Variants in ARHGAP44 observed in about 807,000 individuals in gnomAD.
ARHGAP44 encodes the protein rho GTPase-activating protein 44.
In ARHGAP44, 43 loss-of-function variants were observed where a neutral mutation model predicts 106.8. That is an observed-to-expected ratio of 0.40 (90% confidence interval 0.32 to 0.52). The LOEUF (loss-of-function observed/expected upper bound fraction) is 0.52, where lower values mean the gene tolerates loss of function less well. Ranked by LOEUF, ARHGAP44 falls within the 20% of genes least tolerant of loss-of-function variation. The pLI is 0.48. For missense variants in ARHGAP44, 866 were observed against 1,050.5 expected (o/e 0.82, Z 2.43); for synonymous variants, 439 against 410.3 (o/e 1.07, Z -0.85).
rs200153338 is a variant in ARHGAP44 at position 12,944,218 on chromosome 17, C to T, written c.861+22C>T. 105 of 1,577,954 alleles carry T rather than the reference C, an allele frequency of 6.7e-5. No individual in the cohort carries two copies. The Admixed American group carries it at 9.1e-4, about 14-fold the overall frequency. ...GGAGGTAGGTCTGAGCACAGCCACA[C>T]GCCGCCCCGGGCAGGTCTCCTCTTC... On this transcript the variant is annotated intron_variant, in intron 10 of 20. Transcript: ENST00000379672.
intron 20 of ARHGAP44, chr17:12,987,095 T>C (rs1170368914): frequency 1.3e-6 from 2 of 1,534,726 alleles, no homozygotes; most frequent in East Asian, 4.9e-5. Context: ...CATTGTGTTC[T>C]TGCAGCTGTG....
intron 6 of ARHGAP44, 72 bp downstream of exon 6, chr17:12,919,903 A>T: frequency 7.7e-7 from 1 of 1,302,786 alleles, no homozygotes; most frequent in South Asian, 1.4e-5. Context: ...GTGGGTTTTA[A>T]GTAGGCAATT....
chr17:12,853,994 T>C (rs1209286591), intron 1 of ARHGAP44, among the ~76,000 whole-genome samples: 1 of 152,168 alleles, frequency 6.6e-6, no homozygotes, highest in East Asian at 1.9e-4. Flanking sequence ...TCCTGTTGAT[T>C]CCTTCTCAGC....
At chr17:12,925,493 A>G (rs543571734) in intron 6 of ARHGAP44, among the ~76,000 whole-genome samples, 14 of 152,290 alleles carry the variant, frequency 9.2e-5, no homozygotes, top group South Asian at 4.1e-4. Context: ...CTGCCTTTTA[A>G]AATTCTTCTT....
chr17:12,956,806 T>G, intron 15 of ARHGAP44, 60 bp downstream of exon 15: 1 of 1,504,100 alleles, frequency 6.6e-7, no homozygotes, highest in Non-Finnish European at 9.2e-7. Flanking sequence ...TCACTGCGAG[T>G]TCTGAGCCTT....
At chr17:12,983,939 G>C (rs1054350131) in intron 19 of ARHGAP44, among the ~76,000 whole-genome samples, 2 of 152,230 alleles carry the variant, frequency 1.3e-5, no homozygotes, top group Non-Finnish European at 2.9e-5. Context: ...CAGGGATGCA[G>C]GATTGAGGCA....
intron 3 of ARHGAP44, among the ~76,000 whole-genome samples, chr17:12,902,633 T>C (rs943498905): frequency 6.6e-6 from 1 of 152,206 alleles, no homozygotes; most frequent in Non-Finnish European, 1.5e-5. Context: ...AGAACTTGCC[T>C]ACCACACTAG....
rs144387047 is a variant in ARHGAP44, at chr17:12,962,884, A to G, written c.1523+3987A>G. Among the ~76,000 whole-genome samples, 532 of 152,186 alleles carry G rather than the reference A, an allele frequency of 3.5e-3. 4 individuals are homozygous for G. Among genetic ancestry groups the G allele is most frequent in the African/African-American group, 0.012 (503 of 41,522 alleles). ...AACATGGAGAAACCCTGTCTCTACTAAAAATACAAAATTGGCCAGGCATCG... is the reference window on the plus strand; with the variant it reads ...AACATGGAGAAACCCTGTCTCTACTGAAAATACAAAATTGGCCAGGCATCG... On this transcript the variant is annotated intron_variant, in intron 16 of 20. Coordinates refer to ENST00000379672, the MANE Select transcript of ARHGAP44 (RefSeq NM_014859.6).
intron 1 of ARHGAP44, among the ~76,000 whole-genome samples, chr17:12,860,971 C>G: frequency 6.6e-6 from 1 of 151,604 alleles, no homozygotes; most frequent in Non-Finnish European, 1.5e-5. Context: ...ATTCTTGTGC[C>G]TCAGCCTCCT....
At chr17:12,893,652 GAA>G (rs575424844) in intron 1 of ARHGAP44, among the ~76,000 whole-genome samples, 4 of 152,286 alleles carry the variant, frequency 2.6e-5, no homozygotes, top group African/African-American at 7.2e-5. Context: ...GGTAGGAGTA[GAA>G]GTCAGGGCTC....
intron 1 of ARHGAP44, among the ~76,000 whole-genome samples, chr17:12,847,986 T>C (rs2035621685): frequency 6.6e-6 from 1 of 152,232 alleles, no homozygotes; most frequent in South Asian, 2.1e-4. Context: ...AGCCTTGTTA[T>C]TATTAGTGTG....
chr17:12,959,373 A>T (rs1162273476), intron 16 of ARHGAP44, among the ~76,000 whole-genome samples: 1 of 152,174 alleles, frequency 6.6e-6, no homozygotes, highest in East Asian at 1.9e-4. Flanking sequence ...CCTGAGCGTA[A>T]AATCCTTCTA....
In ARHGAP44 at chr17:12,969,011, C is replaced by T. The variant is rs146301086; in HGVS notation, c.1524-4291C>T. ...GTCTCGATCTCCTGACTTCATGATC[C>T]GCCCACCTTGGCTTCCCAAAGTGTT... On this transcript the variant is annotated intron_variant, in intron 16 of 20. Transcript: ENST00000379672. Among the ~76,000 whole-genome samples the T allele has an allele frequency of 3.6e-3, 554 of 152,186 alleles. 2 individuals carry two copies. Among genetic ancestry groups the T allele is most frequent in the African/African-American group, 0.013 (535 of 41,524 alleles).
chr17:12,828,435 A>C (rs1369310412), intron 1 of ARHGAP44, among the ~76,000 whole-genome samples: 1 of 152,132 alleles, frequency 6.6e-6, no homozygotes, highest in African/African-American at 2.4e-5. Flanking sequence ...GTTGAATTAT[A>C]GCAAATGCTC....
intron 5 of ARHGAP44, among the ~76,000 whole-genome samples, chr17:12,916,390 T>C (rs747823738): frequency 6.6e-5 from 10 of 152,088 alleles, no homozygotes; most frequent in Admixed American, 1.3e-4. Context: ...TGCAGTTTTA[T>C]GTTTTTTTTT....
At chr17:12,937,082 G>T (rs2038570108) in intron 7 of ARHGAP44, among the ~76,000 whole-genome samples, 1 of 152,138 alleles carries the variant, frequency 6.6e-6, no homozygotes, top group Non-Finnish European at 1.5e-5. Context: ...TGTGCCTTAG[G>T]GCTGTGAATT....
intron 1 of ARHGAP44, among the ~76,000 whole-genome samples, chr17:12,848,317 C>T (rs529887570): frequency 9.3e-4 from 142 of 152,210 alleles, no homozygotes; most frequent in Non-Finnish European, 1.6e-3. Flanking sequence ...TGCCATCTCT[C>T]CTGGGATCTC....
chr17:12,828,622 ATTTTTTTTTCTTTCTTTTTTTT>A (rs2034992311), intron 1 of ARHGAP44, among the ~76,000 whole-genome samples: 1 of 115,882 alleles, frequency 8.6e-6, no homozygotes, highest in African/African-American at 3.5e-5. Context: ...TTTCTTTTGG[ATTTTTTTTTCTTTCTTTTTTTT>A]TTTTTTTTTT....
At chr17:12,815,584 T>A (rs1050334626) in intron 1 of ARHGAP44, among the ~76,000 whole-genome samples, 9 of 152,166 alleles carry the variant, frequency 5.9e-5, no homozygotes, top group Non-Finnish European at 2.9e-5. Flanking sequence ...CAGGAGAGTA[T>A]ACCAGTCAGG....
Sources: gnomAD v4.1 joint callset for allele counts (sites outside exome capture counted in the v4.1 genomes callset) on GRCh38, gnomAD v4.1.1 for gene constraint, MANE v1.5 for transcripts, NCBI Gene and HGNC (gene_info 2026-07-23, HGNC 2026-07-21) for gene names.